The following ABCA8 variants were observed in gnomAD, a reference collection of about 807,000 sequenced individuals.
ABCA8 encodes the protein ABC-type organic anion transporter ABCA8.
In ABCA8, 177 loss-of-function variants were observed where a neutral mutation model predicts 192.3. That is an observed-to-expected ratio of 0.92 (90% confidence interval 0.81 to 1.04). ABCA8 has a LOEUF of 1.04. Ranked by LOEUF, ABCA8 falls within the 50% of genes least tolerant of loss-of-function variation. ABCA8 has a pLI of 0.00. For missense variants in ABCA8, 1,915 were observed against 1,904.8 expected (o/e 1.01, Z -0.10); for synonymous variants, 642 against 690.2 (o/e 0.93, Z 1.09).
intron 4 of ABCA8, among the ~76,000 whole-genome samples, chr17:68,937,780 T>C (rs771466150): frequency 1.1e-4 from 17 of 152,160 alleles, no homozygotes; most frequent in Non-Finnish European, 1.5e-5. Context: ...CTCAAACTTA[T>C]GTCATCATGA....
At chr17:68,888,300 C>G (rs912040077) in intron 24 of ABCA8, among the ~76,000 whole-genome samples, 1 of 151,858 alleles carries the variant, frequency 6.6e-6, no homozygotes, top group Admixed American at 6.6e-5. Context: ...TGTTTTAAAA[C>G]TACTTATGAA....
At chr17:68,890,338 A>T (rs1302155670) in intron 24 of ABCA8, among the ~76,000 whole-genome samples, 1 of 152,094 alleles carries the variant, frequency 6.6e-6, no homozygotes, top group East Asian at 1.9e-4. Flanking sequence ...CCATCTGTAC[A>T]TCTTCTTTGG....
intron 38 of ABCA8, among the ~76,000 whole-genome samples, chr17:68,869,377 T>C (rs1241300631): frequency 6.6e-6 from 1 of 152,182 alleles, no homozygotes; most frequent in Non-Finnish European, 1.5e-5. Context: ...ATTTTAAATA[T>C]GTATGCATAG....
rs1242301748 is a variant in ABCA8 at position 68,903,397 on chromosome 17, G to T, written c.2501C>A (p.Thr834Lys). The change falls in exon 20 of 40, where the codon ACA becomes AAA. Residue 834 changes from threonine (T) to lysine (K), a missense_variant. Thr to Lys is a moderately conservative substitution (Grantham distance 78). Coordinates refer to ENST00000586539, the MANE Select transcript of ABCA8 (RefSeq NM_001288985.2). ...TCGCCAGAGAGCCACACCACCTATTGTCTTTCTCATCTTGTTAAGTGAAGA... is the reference window on the plus strand; with the variant it reads ...TCGCCAGAGAGCCACACCACCTATTTTCTTTCTCATCTTGTTAAGTGAAGA... ...VLSSLNKMRK[T>K]IGGVALWRQQ... is the part of the protein sequence containing the mutation. 6.2e-7 allele frequency: 1 copy of T among 1,614,014 alleles called. No individual in the cohort carries two copies. The highest frequency in any genetic ancestry group is 1.3e-5 in the African/African-American group (1 of 74,906).
In ABCA8 at chr17:68,918,473, T is replaced by C; in HGVS notation, c.1862A>G (p.Gln621Arg). The change falls in exon 15 of 40, where the codon CAG (glutamine) becomes CGG (arginine). Residue 621 changes from glutamine to arginine, a missense_variant. By Grantham distance (43) the Gln-to-Arg change is conservative. Transcript: ENST00000586539. ...AATCCCAAAGGTTAGCTTTCTTTTC[T>C]GTCCACCACTTAAGTTTTGAGCAAG... is the stretch of plus-strand genomic sequence containing the variant. ...DVLAQNLSGG[Q>R]KRKLTFGIAI... 1 of 1,562,174 alleles carries C rather than the reference T, an allele frequency of 6.4e-7. No homozygotes were observed. The highest frequency in any genetic ancestry group is 8.6e-7 in the Non-Finnish European group (1 of 1,158,666).
Position 68,918,930 on chromosome 17 carries a change from C to CAAA in ABCA8, c.1788+368_1788+370dup, listed in dbSNP as rs34377045. Among the ~76,000 whole-genome samples the CAAA allele has an allele frequency of 4.1e-3, 188 of 45,840 alleles. 9 individuals are homozygous for CAAA. Among genetic ancestry groups the CAAA allele is most frequent in the African/African-American group, 0.013 (167 of 12,998 alleles). The allele number at this position is 45,840 out of a possible 152,430, so 30.1% of individuals were successfully genotyped here. A position where few individuals can be genotyped will look rare whatever the true frequency, so the allele number is the denominator to read the frequency against. ...GGGCGACAAGAGCAAAACTCTGTCT[C>CAAA]AAAAAAAAAAAAAAAAAAAAAAAAA... On this transcript the variant is annotated intron_variant, in intron 14 of 39. Coordinates refer to ENST00000586539, the MANE Select transcript of ABCA8 (RefSeq NM_001288985.2).
chr17:68,927,853 A>G, intron 10 of ABCA8, 63 bp downstream of exon 10: 3 of 1,225,214 alleles, frequency 2.4e-6, no homozygotes, highest in Non-Finnish European at 3.4e-6. Flanking sequence ...ATCCATTAGG[A>G]GATTTGTTTT....
At position 68,917,461 on chromosome 17, in the gene ABCA8, A is replaced by C. The variant is rs774282611; in HGVS notation, c.2048-10T>G. On this transcript the variant is annotated splice_polypyrimidine_tract_variant and intron_variant, in intron 16 of 39. Coordinates refer to ENST00000586539, the MANE Select transcript of ABCA8 (RefSeq NM_001288985.2). The stretch of plus-strand genomic sequence containing the variant: ...AGAAATACTTTCCTGTCTGAAAAAG[A>C]AGAAGAGCAAAGAAGAAAGTTTGTT... 11 of 1,587,362 alleles carry C rather than the reference A, an allele frequency of 6.9e-6. No individual in the cohort carries two copies. Among genetic ancestry groups the C allele is most frequent in the Non-Finnish European group, 9.5e-6 (11 of 1,161,548 alleles).
chr17:68,880,870 C>A, intron 32 of ABCA8: 1 of 495,208 alleles, frequency 2.0e-6, no homozygotes, highest in South Asian at 2.2e-5. Context: ...CTGAGCCAAA[C>A]TTGGGCAAAG....
intron 19 of ABCA8, among the ~76,000 whole-genome samples, chr17:68,904,300 TAATA>T (rs2067005008): frequency 1.4e-4 from 1 of 6,982 alleles, no homozygotes; most frequent in African/African-American, 4.4e-4. Context: ...GAAATAATAA[TAATA>T]ATAATAATAA....
At position 68,906,106 on chromosome 17, in the gene ABCA8, GA is replaced by G; in HGVS notation, c.2335del (p.Ser779ProfsTer2). On this transcript the variant is annotated frameshift_variant, in exon 19 of 40. Transcript: ENST00000586539. LOFTEE classifies it high-confidence loss of function. ...PDLGIENYGVSMTTLNEVFLK... is the reference protein window; with the variant it reads ...PDLGIENYGVXMTTLNEVFLK... ...GAATACTTCATTCAAAGTTGTCATG[GA>G]AACACCATAATTCTCAATTCCTAGG... is the stretch of plus-strand genomic sequence containing the variant. 1.9e-6 allele frequency: 3 copies of G among 1,599,798 alleles called. No homozygotes were observed.
At chr17:68,897,487 A>T (rs2066796156) in intron 21 of ABCA8, among the ~76,000 whole-genome samples, 1 of 152,216 alleles carries the variant, frequency 6.6e-6, no homozygotes, top group African/African-American at 2.4e-5. Flanking sequence ...CAGGAAGAAA[A>T]GTAGGCAACA....
intron 10 of ABCA8, among the ~76,000 whole-genome samples, chr17:68,925,362 C>A (rs1381550284): frequency 6.6e-6 from 1 of 152,098 alleles, no homozygotes; most frequent in Non-Finnish European, 1.5e-5. Context: ...TGAAACTTAA[C>A]ACAAAATGAA....
At chr17:68,949,764 C>G (rs955781668) in intron 1 of ABCA8, among the ~76,000 whole-genome samples, 2 of 152,168 alleles carry the variant, frequency 1.3e-5, no homozygotes, top group Non-Finnish European at 2.9e-5. Context: ...TAAAACCTCT[C>G]AATAAACTAG....
At chr17:68,917,038 G>A (rs1342656297) in intron 17 of ABCA8, among the ~76,000 whole-genome samples, 6 of 152,162 alleles carry the variant, frequency 3.9e-5, no homozygotes, top group African/African-American at 7.2e-5. Context: ...GGGAGGCCGA[G>A]GCGGGCGGAT....
In ABCA8 at chr17:68,911,909, C is replaced by G. The variant is rs369780244; in HGVS notation, c.2139-4030G>C. On this transcript the variant is annotated intron_variant, in intron 17 of 39. Transcript: ENST00000586539. The surrounding 1 kb of genome is among the most constrained non-coding windows in gnomAD (Gnocchi z 5.7). Reference sequence around the variant, plus strand: ...CTGGATTTGAGGGTGCCCCCTAGTGCTGATACAGCTGCAGTGACCAAAGAC... The same window carrying G: ...CTGGATTTGAGGGTGCCCCCTAGTGGTGATACAGCTGCAGTGACCAAAGAC... Among the ~76,000 whole-genome samples, 1 of 152,184 alleles carries G rather than the reference C, an allele frequency of 6.6e-6. No homozygotes were observed. The highest frequency in any genetic ancestry group is 2.4e-5 in the African/African-American group (1 of 41,442).
chr17:68,934,516 T>C (rs2068000781), intron 5 of ABCA8, among the ~76,000 whole-genome samples: 1 of 152,206 alleles, frequency 6.6e-6, no homozygotes, highest in Non-Finnish European at 1.5e-5. Context: ...ACACAACTCC[T>C]TAGTTTGCAG....
At chr17:68,898,515 A>C (rs1410566958) in intron 21 of ABCA8, among the ~76,000 whole-genome samples, 1 of 152,186 alleles carries the variant, frequency 6.6e-6, no homozygotes, top group Admixed American at 6.5e-5. Context: ...AATCCAAGTG[A>C]AAAGGCCAAA....
At chr17:68,943,054 C>G (rs1186393855) in intron 2 of ABCA8, among the ~76,000 whole-genome samples, 2 of 152,044 alleles carry the variant, frequency 1.3e-5, no homozygotes, top group African/African-American at 4.8e-5. Context: ...TTTGTTATTT[C>G]TGGCAGAAAT....
Sources: allele counts gnomAD v4.1 joint callset (sites outside exome capture counted in the v4.1 genomes callset), GRCh38; gene constraint gnomAD v4.1.1; non-coding constraint Gnocchi (gnomAD v3.1); transcripts MANE v1.5; gene names NCBI Gene and HGNC (gene_info 2026-07-23, HGNC 2026-07-21).